The following CDKAL1 variants were observed in gnomAD, a reference collection of about 807,000 sequenced individuals.
The protein encoded by CDKAL1 is threonylcarbamoyladenosine tRNA methylthiotransferase.
CDKAL1 carries 32 observed loss-of-function variants against 68.2 expected under a neutral mutation model. The ratio of observed to expected loss-of-function variants is 0.47; its 90% confidence interval spans 0.35 to 0.63. CDKAL1 has a LOEUF of 0.63. Among genes scored for constraint, CDKAL1 ranks in the 30% least tolerant of loss-of-function variants. CDKAL1 has a pLI of 0.00. For synonymous variants in CDKAL1, 234 were observed against 244.3 expected (o/e 0.96, Z 0.39); for missense variants, 606 against 696.7 (o/e 0.87, Z 1.47).
intron 9 of CDKAL1, among the ~76,000 whole-genome samples, chr6:20,937,425 T>C (rs1319086893): frequency 1.3e-5 from 2 of 152,188 alleles, no homozygotes; most frequent in Admixed American, 1.3e-4. Flanking sequence ...TATATAACTA[T>C]CAATACCAGA....
intron 5 of CDKAL1, among the ~76,000 whole-genome samples, chr6:20,671,759 G>A (rs1025531506): frequency 3.3e-5 from 5 of 151,464 alleles, no homozygotes; most frequent in South Asian, 2.1e-4. Context: ...ATGGGGTCTC[G>A]TTATATTGCT....
At chr6:20,643,263 T>G (rs1768273810) in intron 4 of CDKAL1, among the ~76,000 whole-genome samples, 2 of 152,208 alleles carry the variant, frequency 1.3e-5, no homozygotes, top group Admixed American at 1.3e-4. Context: ...CTTCTCCTTT[T>G]AAGGCACTGG....
chr6:20,536,052 C>G (rs570388844), intron 2 of CDKAL1, among the ~76,000 whole-genome samples: 6 of 152,068 alleles, frequency 3.9e-5, no homozygotes, highest in Non-Finnish European at 8.8e-5. Context: ...CTTCAGCCTC[C>G]CAAGTAGCTG....
At chr6:20,948,104 A>C (rs1462612586) in intron 9 of CDKAL1, among the ~76,000 whole-genome samples, 1 of 149,710 alleles carries the variant, frequency 6.7e-6, no homozygotes, top group Non-Finnish European at 1.5e-5. Flanking sequence ...TGTAACCTCA[A>C]CTCCTGGGGT....
At chr6:21,032,263 C>CT (rs1273120230) in intron 11 of CDKAL1, among the ~76,000 whole-genome samples, 1 of 151,848 alleles carries the variant, frequency 6.6e-6, no homozygotes, top group Admixed American at 6.6e-5. Context: ...GGCAAGAAGA[C>CT]TTTTTTTGTA....
chr6:20,938,164 T>G (rs1309238501), intron 9 of CDKAL1, among the ~76,000 whole-genome samples: 2 of 152,224 alleles, frequency 1.3e-5, no homozygotes, highest in Admixed American at 1.3e-4. Context: ...CTGTCATTAT[T>G]TATTCTGTTG....
intron 4 of CDKAL1, among the ~76,000 whole-genome samples, chr6:20,611,952 C>A (rs1766636462): frequency 1.3e-5 from 2 of 152,170 alleles, no homozygotes; most frequent in Admixed American, 1.3e-4. Flanking sequence ...CTATTCTCTA[C>A]CTCCATGAGG....
rs75204955 is a variant in CDKAL1 at position 21,228,678 on chromosome 6, T to C, written c.1549-2170T>C. 8.4e-4 allele frequency among the ~76,000 whole-genome samples: 128 copies of C among 152,324 alleles called. 2 individuals carry two copies. In the East Asian group the frequency reaches 0.024, roughly 29 times the overall value. ...GAGTACCTGCTCTGTGACTGCAGCC[T>C]GCTAGGTTCCAAGATTTCAGAGATG... On this transcript the variant is annotated intron_variant, in intron 15 of 15. Coordinates refer to ENST00000274695, the MANE Select transcript of CDKAL1 (RefSeq NM_017774.3).
At chr6:20,835,294 A>G (rs547187964) in intron 8 of CDKAL1, among the ~76,000 whole-genome samples, 1 of 152,338 alleles carries the variant, frequency 6.6e-6, no homozygotes, top group Admixed American at 6.5e-5. Context: ...TTTTACCTCA[A>G]TAAAGCGAAG....
intron 6 of CDKAL1, among the ~76,000 whole-genome samples, chr6:20,748,009 C>G (rs1213478100): frequency 6.6e-6 from 1 of 152,138 alleles, no homozygotes; most frequent in East Asian, 1.9e-4. Context: ...TAATCTGGAG[C>G]TGATTTTTAT....
intron 12 of CDKAL1, among the ~76,000 whole-genome samples, chr6:21,090,707 A>T (rs756983119): frequency 1.7e-4 from 26 of 152,032 alleles, no homozygotes; most frequent in Non-Finnish European, 1.3e-4. Context: ...ACCTTGTTCT[A>T]TATATCAATT....
chr6:20,597,937 CGTG>C (rs1561953915), intron 4 of CDKAL1, among the ~76,000 whole-genome samples: 1 of 152,116 alleles, frequency 6.6e-6, no homozygotes, highest in Non-Finnish European at 1.5e-5. Flanking sequence ...GTGAGAGAAA[CGTG>C]GTGGTGATCA....
At chr6:20,654,538 T>C (rs917959549) in intron 5 of CDKAL1, among the ~76,000 whole-genome samples, 1 of 152,164 alleles carries the variant, frequency 6.6e-6, no homozygotes, top group African/African-American at 2.4e-5. Flanking sequence ...GCTATTAAGA[T>C]ATTTTCCTAT....
chr6:20,917,495 T>C (rs1352746637), intron 9 of CDKAL1, among the ~76,000 whole-genome samples: 1 of 152,162 alleles, frequency 6.6e-6, no homozygotes, highest in Non-Finnish European at 1.5e-5. Context: ...TTGCTTATGG[T>C]TATATTTATA....
intron 9 of CDKAL1, among the ~76,000 whole-genome samples, chr6:20,943,783 T>A (rs977292625): frequency 1.9e-4 from 29 of 152,136 alleles, no homozygotes; most frequent in African/African-American, 6.8e-4. Context: ...GATTGATATT[T>A]TTTTTTTTCC....
intron 5 of CDKAL1, among the ~76,000 whole-genome samples, chr6:20,694,094 A>T (rs1396047714): frequency 8.2e-6 from 1 of 121,950 alleles, no homozygotes; most frequent in South Asian, 2.7e-4. Flanking sequence ...GTGTGTGTGT[A>T]TGTAGGTGGT....
chr6:20,753,919 AT>A (rs2150342730), intron 6 of CDKAL1, among the ~76,000 whole-genome samples: 1 of 151,542 alleles, frequency 6.6e-6, no homozygotes, highest in South Asian at 2.1e-4. Flanking sequence ...GAAGGTTCCA[AT>A]TTCTCCACAT....
intron 4 of CDKAL1, among the ~76,000 whole-genome samples, chr6:20,607,867 G>A (rs148121294): frequency 3.8e-4 from 58 of 152,058 alleles, no homozygotes; most frequent in African/African-American, 1.4e-3. Context: ...ACTAATTTTT[G>A]TATTTTTAGT....
intron 9 of CDKAL1, among the ~76,000 whole-genome samples, chr6:20,901,180 T>C (rs1295436369): frequency 6.6e-6 from 1 of 152,158 alleles, no homozygotes; most frequent in Non-Finnish European, 1.5e-5. Flanking sequence ...AGTAGCCCTT[T>C]CGGTGATGTA....
Sources: allele counts gnomAD v4.1 joint callset (sites outside exome capture counted in the v4.1 genomes callset), GRCh38; gene constraint gnomAD v4.1.1; transcripts MANE v1.5; gene names NCBI Gene and HGNC (gene_info 2026-07-23, HGNC 2026-07-21).